The following DNER variants were observed in gnomAD, a reference collection of about 807,000 sequenced individuals.
The protein encoded by DNER is delta/notch like EGF repeat containing, also known as delta and Notch-like epidermal growth factor-related receptor.
In DNER, 33 loss-of-function variants were observed where a neutral mutation model predicts 78.2. That is an observed-to-expected ratio of 0.42 (90% confidence interval 0.32 to 0.56). The LOEUF is 0.56. Ranked by LOEUF, DNER falls within the 20% of genes least tolerant of loss-of-function variation. The pLI is 0.11. For missense variants in DNER, 918 were observed against 975.3 expected, an observed-to-expected ratio of 0.94 and a Z score of 0.78; for synonymous variants, 417 against 384.8, an observed-to-expected ratio of 1.08 and a Z score of -0.98.
chr2:229,479,161 C>T (rs746102700), intron 6 of DNER, among the ~76,000 whole-genome samples: 6 of 152,150 alleles, frequency 3.9e-5, no homozygotes, highest in Non-Finnish European at 8.8e-5. Context: ...CTTTTTATGG[C>T]TGCGTAGTAT....
chr2:229,653,824 AG>A (rs1203387985), intron 1 of DNER, among the ~76,000 whole-genome samples: 1 of 152,232 alleles, frequency 6.6e-6, no homozygotes, highest in Admixed American at 6.5e-5. Context: ...TTACCCTAAA[AG>A]GAAATACCCA....
rs5839333 is a variant in DNER, at chr2:229,471,355, GAA to G, written c.1261+5783_1261+5784del. Among the ~76,000 whole-genome samples the G allele has an allele frequency of 2.0e-5, 3 of 151,044 alleles. No homozygotes were observed. The East Asian group carries it at 5.8e-4, about 29-fold the overall frequency. On this transcript the variant is annotated intron_variant, in intron 7 of 12. Coordinates refer to ENST00000341772, the MANE Select transcript of DNER (RefSeq NM_139072.4). ...GCTAGGTTACCCAAGGCTATAAAAT[GAA>G]AAAAAAAAATAGTTTTGTAAATGCT... is the stretch of plus-strand genomic sequence containing the variant.
At chr2:229,506,720 C>A (rs1695753830) in intron 6 of DNER, among the ~76,000 whole-genome samples, 1 of 149,222 alleles carries the variant, frequency 6.7e-6, no homozygotes, top group African/African-American at 2.5e-5. Flanking sequence ...CTCCTGTGTC[C>A]AAGTGTTCTC....
At chr2:229,650,954 A>G (rs1476919725) in intron 1 of DNER, among the ~76,000 whole-genome samples, 1 of 152,116 alleles carries the variant, frequency 6.6e-6, no homozygotes, top group Non-Finnish European at 1.5e-5. Flanking sequence ...TTGCCTCTCC[A>G]TCATTTGCCC....
chr2:229,675,876 A>C lies in DNER; in HGVS notation c.276+38272T>G, dbSNP rs543211364. ...TGGTGAATAATGAAGTCCACCTCCC[A>C]GGAGTGGCCAATACTGCACACCTCC... On this transcript the variant is annotated intron_variant, in intron 1 of 12. Transcript: ENST00000341772. 2.0e-5 allele frequency among the ~76,000 whole-genome samples: 3 copies of C among 152,318 alleles called. No homozygotes were observed. The East Asian group carries it at 5.8e-4, about 29-fold the overall frequency.
At chr2:229,552,770 G>A (rs951626627) in intron 4 of DNER, among the ~76,000 whole-genome samples, 1 of 152,102 alleles carries the variant, frequency 6.6e-6, no homozygotes, top group African/African-American at 2.4e-5. Flanking sequence ...ACTAATACAG[G>A]TGGGGTTCTC....
chr2:229,505,800 C>T (rs1695731183), intron 6 of DNER, among the ~76,000 whole-genome samples: 1 of 152,090 alleles, frequency 6.6e-6, no homozygotes, highest in African/African-American at 2.4e-5. Context: ...ATTTTTGAAA[C>T]TTGTTTAGAC....
intron 1 of DNER, among the ~76,000 whole-genome samples, chr2:229,620,416 A>C (rs2154215467): frequency 6.6e-6 from 1 of 152,276 alleles, no homozygotes; most frequent in East Asian, 1.9e-4. Flanking sequence ...CACAGTTGGC[A>C]CTCTCCTTAC....
chr2:229,652,825 G>A (rs1698844044), intron 1 of DNER, among the ~76,000 whole-genome samples: 1 of 152,168 alleles, frequency 6.6e-6, no homozygotes, highest in Non-Finnish European at 1.5e-5. Flanking sequence ...TTTTCCCATT[G>A]GTTACAAAGG....
intron 11 of DNER, 41 bp downstream of exon 11, chr2:229,388,224 T>C (rs1692939098): frequency 6.3e-7 from 1 of 1,578,598 alleles, no homozygotes; most frequent in Admixed American, 1.8e-5. Context: ...GTAACAGCTA[T>C]AAATGTTAAA....
intron 1 of DNER, among the ~76,000 whole-genome samples, chr2:229,697,203 G>T (rs1311541455): frequency 6.6e-6 from 1 of 152,168 alleles, no homozygotes; most frequent in East Asian, 1.9e-4. Flanking sequence ...CTGCAACGTG[G>T]ATGAATCTCA....
intron 7 of DNER, among the ~76,000 whole-genome samples, chr2:229,457,919 C>T (rs572004552): frequency 6.6e-5 from 10 of 151,540 alleles, no homozygotes; most frequent in South Asian, 4.2e-4. Flanking sequence ...GGGCAGATCA[C>T]GAGGTGAGGA....
intron 8 of DNER, among the ~76,000 whole-genome samples, chr2:229,426,440 C>CAAAAAAAAA (rs58842918): frequency 1.4e-5 from 1 of 69,212 alleles, no homozygotes; most frequent in Non-Finnish European, 2.7e-5. Context: ...GACTCCATCT[C>CAAAAAAAAA]AAAAAAAAAA....
intron 11 of DNER, 26 bp from the exon 12 acceptor site, chr2:229,367,145 T>C: frequency 6.2e-7 from 1 of 1,613,334 alleles, no homozygotes; most frequent in South Asian, 1.1e-5. Flanking sequence ...AGCAAATGGC[T>C]GGGTATGAGT....
At chr2:229,623,891 T>A (rs1698292858) in intron 1 of DNER, among the ~76,000 whole-genome samples, 1 of 152,230 alleles carries the variant, frequency 6.6e-6, no homozygotes. Context: ...CATGCTTCAA[T>A]GCTTAAAGGA....
At chr2:229,377,720 G>A (rs967909956) in intron 11 of DNER, among the ~76,000 whole-genome samples, 7 of 152,020 alleles carry the variant, frequency 4.6e-5, no homozygotes, top group African/African-American at 1.7e-4. Flanking sequence ...TACCCCAAAG[G>A]GGCAAATAAC....
chr2:229,422,916 G>T (rs1406669645), intron 8 of DNER, among the ~76,000 whole-genome samples: 3 of 152,178 alleles, frequency 2.0e-5, no homozygotes, highest in Non-Finnish European at 4.4e-5. Context: ...TGCCATGGAA[G>T]CCAGAGGATG....
At chr2:229,372,570 G>A (rs1172717666) in intron 11 of DNER, among the ~76,000 whole-genome samples, 1 of 152,210 alleles carries the variant, frequency 6.6e-6, no homozygotes, top group African/African-American at 2.4e-5. Flanking sequence ...GGATAGGGCA[G>A]TGTGGCCTTG....
chr2:229,500,770 G>A (rs532777478), intron 6 of DNER, among the ~76,000 whole-genome samples: 14 of 152,136 alleles, frequency 9.2e-5, no homozygotes, highest in South Asian at 8.3e-4. Context: ...AGGTTATGGC[G>A]ATATGTAAGA....
Sources: gnomAD v4.1 joint callset for allele counts (sites outside exome capture counted in the v4.1 genomes callset) on GRCh38, gnomAD v4.1.1 for gene constraint, MANE v1.5 for transcripts, NCBI Gene and HGNC (gene_info 2026-07-23, HGNC 2026-07-21) for gene names.